The following NINL variants were observed in gnomAD, a reference collection of about 807,000 sequenced individuals.
The protein encoded by NINL is ninein like.
In NINL, 153 loss-of-function variants were observed where a neutral mutation model predicts 160.3. That is an observed-to-expected ratio of 0.95 (90% CI 0.84 to 1.09). The LOEUF is 1.09. NINL is among the 50% of genes least tolerant of loss of function. The probability of loss-of-function intolerance (pLI) is 0.00; values close to 1 mark genes in which losing one functional copy is unlikely to be tolerated. For missense variants in NINL, 1,829 were observed against 1,764.0 expected (o/e 1.04, Z -0.66); for synonymous variants, 800 against 734.8 (o/e 1.09, Z -1.43).
At chr20:25,500,146 T>C (rs563961453) in intron 8 of NINL, among the ~76,000 whole-genome samples, 29 of 152,274 alleles carry the variant, frequency 1.9e-4, no homozygotes, top group African/African-American at 5.8e-4. Flanking sequence ...CGTGAGGCTG[T>C]CTTCCATCAT....
chr20:25,467,189 C>G lies in NINL; in HGVS notation c.3423+200G>C, dbSNP rs567095462. Among the ~76,000 whole-genome samples, 8 of 152,294 alleles carry G rather than the reference C, an allele frequency of 5.3e-5. No homozygotes were observed. The East Asian group carries it at 1.5e-3, about 29-fold the overall frequency. The stretch of plus-strand genomic sequence containing the variant: ...TGATTCTGAACATCCTTGGGACCAC[C>G]GGCAGATTTGACTGGGGCAGGGGTC... On this transcript the variant is annotated intron_variant, in intron 19 of 23. Transcript: ENST00000278886.
chr20:25,574,704 T>G (rs899507642), intron 1 of NINL, among the ~76,000 whole-genome samples: 3 of 152,050 alleles, frequency 2.0e-5, no homozygotes, highest in African/African-American at 7.2e-5. Flanking sequence ...ATTGGCATGG[T>G]AGATAGAGGT....
chr20:25,552,679 A>AC (rs1168166989), intron 1 of NINL, among the ~76,000 whole-genome samples: 1 of 151,986 alleles, frequency 6.6e-6, no homozygotes, highest in African/African-American at 2.4e-5. Flanking sequence ...GTCTAGACAC[A>AC]CCCCCCTGCA....
chr20:25,461,431 TGGA>T (rs1406776435), intron 21 of NINL, 88 bp downstream of exon 21: 3 of 754,820 alleles, frequency 4.0e-6, no homozygotes, highest in African/African-American at 1.8e-5. Flanking sequence ...TTCTTTGGGC[TGGA>T]GGAGGCCTGG....
chr20:25,476,964 G>A lies in NINL; in HGVS notation c.2327C>T (p.Ser776Leu), dbSNP rs1365413683. ...QGPLPRGSQR[S>L]EQLELERALK... ...TGCCCTCTCCAGCTCCAGCTGCTCC[G>A]ACCTCTGGCTCCCGCGTGGCAGGGG... The change falls in exon 17 of 24, where the codon TCG becomes TTG. Residue 776 changes from serine to leucine, a missense_variant. Ser to Leu is a moderately radical substitution (Grantham distance 145, BLOSUM62 -2). Coordinates refer to ENST00000278886, the MANE Select transcript of NINL (RefSeq NM_025176.6). 29 of 1,608,422 alleles carry A rather than the reference G, an allele frequency of 1.8e-5. No homozygotes were observed. Among genetic ancestry groups the A allele is most frequent in the South Asian group, 3.3e-5 (3 of 91,034 alleles).
intron 17 of NINL, among the ~76,000 whole-genome samples, chr20:25,471,331 C>T (rs1401655917): frequency 6.6e-6 from 1 of 152,186 alleles, no homozygotes; most frequent in Non-Finnish European, 1.5e-5. Flanking sequence ...GTATCTTCTT[C>T]ATATGCCTTC....
intron 1 of NINL, among the ~76,000 whole-genome samples, chr20:25,570,384 T>C (rs1431340140): frequency 6.6e-6 from 1 of 152,218 alleles, no homozygotes; most frequent in East Asian, 1.9e-4. Context: ...TAGTGAGTTC[T>C]CATGAGATTT....
intron 5 of NINL, among the ~76,000 whole-genome samples, chr20:25,507,986 T>A (rs1049966599): frequency 6.6e-6 from 1 of 152,154 alleles, no homozygotes; most frequent in Non-Finnish European, 1.5e-5. Context: ...CCCAACCTGG[T>A]TGGGGCAGAG....
intron 1 of NINL, among the ~76,000 whole-genome samples, chr20:25,542,458 G>GA (rs1375085191): frequency 6.6e-6 from 1 of 151,668 alleles, no homozygotes; most frequent in Non-Finnish European, 1.5e-5. Context: ...AACATTCACA[G>GA]AAAAAATGGC....
chr20:25,554,636 C>CAAAAAAAAA (rs747557892), intron 1 of NINL, among the ~76,000 whole-genome samples: 2 of 85,798 alleles, frequency 2.3e-5, no homozygotes, highest in African/African-American at 5.8e-5. Flanking sequence ...AAAAAAAAAA[C>CAAAAAAAAA]AAAAAAAAAA....
At chr20:25,500,172 G>T (rs910251544) in intron 8 of NINL, among the ~76,000 whole-genome samples, 1 of 152,116 alleles carries the variant, frequency 6.6e-6, no homozygotes, top group Non-Finnish European at 1.5e-5. Context: ...CTGGGCCCCT[G>T]CACACCTCTG....
intron 2 of NINL, among the ~76,000 whole-genome samples, chr20:25,521,896 GC>G (rs999923394): frequency 6.6e-6 from 1 of 152,118 alleles, no homozygotes; most frequent in African/African-American, 2.4e-5. Context: ...TGTGTGCTAA[GC>G]TTACCTCTCT....
chr20:25,538,766 AGAGCACAGAAC>A, intron 1 of NINL, among the ~76,000 whole-genome samples: 1 of 151,796 alleles, frequency 6.6e-6, no homozygotes, highest in Non-Finnish European at 1.5e-5. Context: ...AGAACTGAGG[AGAGCACAGAAC>A]TGGAGAGCAC....
At chr20:25,539,957 C>T (rs2064633793) in intron 1 of NINL, 2 of 1,127,224 alleles carry the variant, frequency 1.8e-6, no homozygotes, top group Non-Finnish European at 2.4e-6. Context: ...GGCTCCCAGG[C>T]CTGCGCAGGC....
At chr20:25,556,060 T>A (rs143725650) in intron 1 of NINL, among the ~76,000 whole-genome samples, 38 of 151,500 alleles carry the variant, frequency 2.5e-4, no homozygotes, top group African/African-American at 8.5e-4. Flanking sequence ...GCAGGAGGAT[T>A]GCTTGAGCCC....
chr20:25,461,771 G>T, intron 20 of NINL, 136 bp from the exon 21 acceptor site: 1 of 621,660 alleles, frequency 1.6e-6, no homozygotes, highest in Non-Finnish European at 2.8e-6. Flanking sequence ...ACCAACCAAG[G>T]CCGGCCCTGT....
intron 3 of NINL, 59 bp from the exon 4 acceptor site, chr20:25,513,065 G>C (rs2064103338): frequency 6.5e-7 from 1 of 1,528,904 alleles, no homozygotes; most frequent in African/African-American, 1.4e-5. Context: ...GGCCCATGCA[G>C]GCCAGCAGGT....
intron 23 of NINL, among the ~76,000 whole-genome samples, chr20:25,455,447 C>A (rs986637933): frequency 1.3e-5 from 2 of 152,142 alleles, no homozygotes; most frequent in African/African-American, 2.4e-5. Flanking sequence ...AACAAATGAA[C>A]GGATGAGTCC....
intron 2 of NINL, among the ~76,000 whole-genome samples, chr20:25,520,157 A>C (rs572874621): frequency 6.6e-6 from 1 of 152,254 alleles, no homozygotes; most frequent in Non-Finnish European, 1.5e-5. Context: ...ATGAGGGATA[A>C]GGGTGTGATG....
Sources: gnomAD v4.1 joint callset for allele counts (sites outside exome capture counted in the v4.1 genomes callset) on GRCh38, gnomAD v4.1.1 for gene constraint, MANE v1.5 for transcripts, NCBI Gene and HGNC (gene_info 2026-07-23, HGNC 2026-07-21) for gene names.